Variants in SHISA6 observed in about 807,000 individuals in gnomAD.
SHISA6 encodes protein shisa-6.
Under a neutral mutation model 47.9 loss-of-function variants are expected in SHISA6, and 22 were observed. The observed-to-expected ratio is 0.46, with a 90% CI of 0.33 to 0.66. SHISA6 has a LOEUF of 0.66. Ranked by LOEUF, SHISA6 falls within the 30% of genes least tolerant of loss-of-function variation. The pLI is 0.02. For synonymous variants in SHISA6, 388 were observed against 337.8 expected (o/e 1.15, Z -1.63); for missense variants, 680 against 764.6 (o/e 0.89, Z 1.30).
intron 3 of SHISA6, among the ~76,000 whole-genome samples, chr17:11,465,831 G>A (rs1915797778): frequency 6.6e-6 from 1 of 152,178 alleles, no homozygotes; most frequent in Non-Finnish European, 1.5e-5. Flanking sequence ...GGGAGCCGTG[G>A]CGAACGCAGT....
intron 2 of SHISA6, among the ~76,000 whole-genome samples, chr17:11,369,107 T>C (rs533304065): frequency 3.3e-5 from 5 of 152,244 alleles, no homozygotes; most frequent in Non-Finnish European, 7.3e-5. Flanking sequence ...AAGTCTATGC[T>C]TTTATCGCCT....
rs556894783 is a variant in SHISA6 at position 11,427,126 on chromosome 17, TTTG to T, written c.895+47638_895+47640del. 2.0e-4 allele frequency among the ~76,000 whole-genome samples: 30 copies of T among 152,012 alleles called. No individual in the cohort carries two copies. The South Asian group carries it at 3.1e-3, about 16-fold the overall frequency. On this transcript the variant is annotated intron_variant, in intron 3 of 5. Transcript: ENST00000441885. Reference sequence around the variant, plus strand: ...CCCAGAACAACCCCTCTTTCGTATGTTTGTTGTTGTTGTTGTTGTTGTTTTGAG... The same window carrying T: ...CCCAGAACAACCCCTCTTTCGTATGTTTGTTGTTGTTGTTGTTGTTTTGAG...
intron 3 of SHISA6, among the ~76,000 whole-genome samples, chr17:11,446,774 T>C (rs8075725): frequency 0.013 from 1,995 of 152,292 alleles, 45 homozygotes; most frequent in African/African-American, 0.045. Context: ...AAATTTTTCA[T>C]CTTGTGTTTG....
At chr17:11,387,503 T>C (rs1230378261) in intron 3 of SHISA6, among the ~76,000 whole-genome samples, 4 of 152,122 alleles carry the variant, frequency 2.6e-5, no homozygotes, top group Non-Finnish European at 5.9e-5. Flanking sequence ...TGGCACCTGC[T>C]ATATCTGACT....
intron 3 of SHISA6, among the ~76,000 whole-genome samples, chr17:11,401,896 T>C (rs932928916): frequency 2.0e-5 from 3 of 152,140 alleles, no homozygotes; most frequent in Non-Finnish European, 4.4e-5. Flanking sequence ...ATTTATAAAC[T>C]ACAAATCTAT....
At chr17:11,269,364 G>A (rs990697390) in intron 2 of SHISA6, among the ~76,000 whole-genome samples, 2 of 152,174 alleles carry the variant, frequency 1.3e-5, no homozygotes, top group African/African-American at 4.8e-5. Flanking sequence ...ACTGAGCCCT[G>A]TGGCCCCTCT....
chr17:11,325,032 T>C (rs941695803), intron 2 of SHISA6, among the ~76,000 whole-genome samples: 1 of 152,250 alleles, frequency 6.6e-6, no homozygotes, highest in East Asian at 1.9e-4. Context: ...CTGGCTCCAA[T>C]TTCTTACCCG....
chr17:11,250,421 AT>A (rs1220274779), intron 1 of SHISA6, among the ~76,000 whole-genome samples: 6 of 152,170 alleles, frequency 3.9e-5, no homozygotes, highest in Admixed American at 6.5e-5. Flanking sequence ...CCTAATGTGC[AT>A]TTATCACCAC....
At chr17:11,254,233 T>A (rs1907923207) in intron 1 of SHISA6, among the ~76,000 whole-genome samples, 1 of 152,156 alleles carries the variant, frequency 6.6e-6, no homozygotes, top group Non-Finnish European at 1.5e-5. Flanking sequence ...CCCAACTCTG[T>A]CACTTTCTGT....
At chr17:11,534,583 AC>A (rs1352168135) in intron 3 of SHISA6, among the ~76,000 whole-genome samples, 1 of 152,130 alleles carries the variant, frequency 6.6e-6, no homozygotes, top group Non-Finnish European at 1.5e-5. Context: ...AGTGGTAAGC[AC>A]CCCCAAGAAA....
chr17:11,415,628 C>A (rs1227781412), intron 3 of SHISA6, among the ~76,000 whole-genome samples: 1 of 152,164 alleles, frequency 6.6e-6, no homozygotes, highest in Non-Finnish European at 1.5e-5. Flanking sequence ...TAAACAAGAT[C>A]TTTATTAATG....
intron 3 of SHISA6, among the ~76,000 whole-genome samples, chr17:11,543,155 G>C (rs139379562): frequency 1.3e-5 from 2 of 152,098 alleles, no homozygotes; most frequent in Non-Finnish European, 2.9e-5. Context: ...AAGAGGCTCC[G>C]TAGACATATT....
chr17:11,272,777 C>T (rs557567406), intron 2 of SHISA6, among the ~76,000 whole-genome samples: 28 of 152,234 alleles, frequency 1.8e-4, no homozygotes, highest in African/African-American at 5.5e-4. Flanking sequence ...GTAAGTCCCA[C>T]GGGGAACAGT....
intron 2 of SHISA6, among the ~76,000 whole-genome samples, chr17:11,275,113 G>T (rs1908839290): frequency 6.6e-6 from 1 of 152,032 alleles, no homozygotes; most frequent in Non-Finnish European, 1.5e-5. Flanking sequence ...CTGGAACTCT[G>T]TGTTCTAGTG....
At chr17:11,502,730 AAAAT>A (rs1417987945) in intron 3 of SHISA6, among the ~76,000 whole-genome samples, 2 of 152,240 alleles carry the variant, frequency 1.3e-5, no homozygotes, top group Admixed American at 6.5e-5. Context: ...CCGTCTCAAA[AAAAT>A]AAATAAATAA....
At chr17:11,454,924 C>T (rs1915496013) in intron 3 of SHISA6, among the ~76,000 whole-genome samples, 1 of 152,142 alleles carries the variant, frequency 6.6e-6, no homozygotes, top group Non-Finnish European at 1.5e-5. Context: ...AATCTCAGCA[C>T]TTTGGGAGGC....
chr17:11,373,343 AGTCTATCCATCT>A (rs1158233179), intron 2 of SHISA6, among the ~76,000 whole-genome samples: 1 of 152,098 alleles, frequency 6.6e-6, no homozygotes, highest in Non-Finnish European at 1.5e-5. Flanking sequence ...GCCGCCAATC[AGTCTATCCATCT>A]GTCTATCCAT....
At chr17:11,344,377 T>C (rs1476074103) in intron 2 of SHISA6, among the ~76,000 whole-genome samples, 1 of 152,206 alleles carries the variant, frequency 6.6e-6, no homozygotes, top group Admixed American at 6.5e-5. Flanking sequence ...CTTTTGGTGT[T>C]GTATCTAAGA....
chr17:11,308,161 G>T (rs1910193476), intron 2 of SHISA6, among the ~76,000 whole-genome samples: 1 of 152,150 alleles, frequency 6.6e-6, no homozygotes, highest in Non-Finnish European at 1.5e-5. Flanking sequence ...GATTTTATAG[G>T]TGAGAAACCT....
Sources: gnomAD v4.1 joint callset for allele counts (sites outside exome capture counted in the v4.1 genomes callset) on GRCh38, gnomAD v4.1.1 for gene constraint, MANE v1.5 for transcripts, NCBI Gene and HGNC (gene_info 2026-07-23, HGNC 2026-07-21) for gene names.